Variants in LRCH1 observed in about 807,000 individuals in gnomAD.
LRCH1 encodes the protein leucine-rich repeat and calponin homology domain-containing protein 1.
In LRCH1, 23 loss-of-function variants were observed where a neutral mutation model predicts 94.9. The observed-to-expected ratio is 0.24, with a 90% CI of 0.17 to 0.34. The LOEUF (loss-of-function observed/expected upper bound fraction) is 0.34, where lower values mean the gene tolerates loss of function less well. Ranked by LOEUF, LRCH1 falls within the 10% of genes least tolerant of loss-of-function variation. LRCH1 has a pLI of 1.00. For synonymous variants in LRCH1, 364 were observed against 354.9 expected, an observed-to-expected ratio of 1.03 and a Z score of -0.29; for missense variants, 790 against 945.9, an observed-to-expected ratio of 0.84 and a Z score of 2.16.
At position 46,590,306 on chromosome 13, in the gene LRCH1, C is replaced by T. The variant is rs530228801; in HGVS notation, c.307+36603C>T. Among the ~76,000 whole-genome samples, 12 of 152,240 alleles carry T rather than the reference C, an allele frequency of 7.9e-5. No homozygotes were observed. The South Asian group carries it at 2.5e-3, about 32-fold the overall frequency. Reference sequence around the variant, plus strand: ...CCCTTCACCCTATCTCTTTCTATCTCCTCTTCTTTGCTCTTCCATGGCCAT... The same window carrying T: ...CCCTTCACCCTATCTCTTTCTATCTTCTCTTCTTTGCTCTTCCATGGCCAT... On this transcript the variant is annotated intron_variant, in intron 1 of 19. Coordinates refer to ENST00000389797, the MANE Select transcript of LRCH1 (RefSeq NM_001164211.2).
In LRCH1 at chr13:46,582,648, CTTTTTT is replaced by C. The variant is rs551678501; in HGVS notation, c.307+28964_307+28969del. On this transcript the variant is annotated intron_variant, in intron 1 of 19. Transcript: ENST00000389797. ...CACAGGCACGCACCACCATGCCCAG[CTTTTTT>C]TTTTTTTTTTTTTTTTTTGTATTTT... Among the ~76,000 whole-genome samples the C allele has an allele frequency of 8.1e-4, 19 of 23,336 alleles. 2 individuals carry two copies. The highest frequency in any genetic ancestry group is 7.5e-3 in the East Asian group (3 of 398). The allele number at this position is 23,336 out of a possible 152,430, so 15.3% of individuals were successfully genotyped here.
chr13:46,665,215 C>T (rs2051499530), intron 2 of LRCH1, among the ~76,000 whole-genome samples: 1 of 152,102 alleles, frequency 6.6e-6, no homozygotes, highest in South Asian at 2.1e-4. Context: ...TTTATAATCA[C>T]ATATCTTAAG....
At chr13:46,593,590 TTC>T (rs2050526146) in intron 1 of LRCH1, among the ~76,000 whole-genome samples, 1 of 152,202 alleles carries the variant, frequency 6.6e-6, no homozygotes, top group African/African-American at 2.4e-5. Flanking sequence ...AGTAAATTTG[TTC>T]TGTGTGTTGG....
chr13:46,664,388 A>T lies in LRCH1; in HGVS notation c.453-4642A>T, dbSNP rs541455610. Among the ~76,000 whole-genome samples the T allele has an allele frequency of 6.6e-5, 10 of 152,304 alleles. No homozygotes were observed. In the East Asian group the frequency reaches 1.9e-3, roughly 29 times the overall value. ...AGCCACATCTTAACATCTGAGCATAACACATTACCCTTTCTATGTTTAGAT... is the reference window on the plus strand; with the variant it reads ...AGCCACATCTTAACATCTGAGCATATCACATTACCCTTTCTATGTTTAGAT... On this transcript the variant is annotated intron_variant, in intron 2 of 19. Transcript: ENST00000389797.
Position 46,709,582 on chromosome 13 carries a change from T to C in LRCH1, c.1528-2209T>C, listed in dbSNP as rs554779264. Reference sequence around the variant, plus strand: ...AAATGTCTTTGAGCTTTCACTCTCATAGAGTTTTAAAAACGCATATATACC... The same window carrying C: ...AAATGTCTTTGAGCTTTCACTCTCACAGAGTTTTAAAAACGCATATATACC... On this transcript the variant is annotated intron_variant, in intron 13 of 19. Coordinates refer to ENST00000389797, the MANE Select transcript of LRCH1 (RefSeq NM_001164211.2). 1.4e-4 allele frequency among the ~76,000 whole-genome samples: 22 copies of C among 152,266 alleles called. No homozygotes were observed. In the South Asian group the frequency reaches 1.7e-3, roughly 11 times the overall value.
At chr13:46,659,690 G>T (rs555759961) in intron 2 of LRCH1, among the ~76,000 whole-genome samples, 6 of 152,324 alleles carry the variant, frequency 3.9e-5, no homozygotes, top group Admixed American at 2.6e-4. Flanking sequence ...GGGTGGCTGT[G>T]GGGGGTGGGC....
In LRCH1 at chr13:46,715,619, G is replaced by C; in HGVS notation, c.1714G>C (p.Asp572His). ...CACACTTACACAGGCACAGACATGG[G>C]ACAGCTCTAGCTACAGTGTTCCATC... is the stretch of plus-strand genomic sequence containing the variant. The part of the protein sequence containing the change: ...FNTLTQAQTW[D>H]SSSYSVPSEG... The change falls in exon 16 of 20, where the codon GAC (aspartate) becomes CAC (histidine). Residue 572 changes from aspartate to histidine, a missense_variant. Coordinates refer to ENST00000389797, the MANE Select transcript of LRCH1 (RefSeq NM_001164211.2). The C allele has an allele frequency of 6.5e-7, 1 of 1,537,148 alleles. No homozygotes were observed.
intron 2 of LRCH1, among the ~76,000 whole-genome samples, chr13:46,665,508 A>G (rs73487748): frequency 0.028 from 4,329 of 152,326 alleles, 194 homozygotes; most frequent in African/African-American, 0.098. Flanking sequence ...GAAATAGACA[A>G]ATGAATCCAG....
chr13:46,697,268 G>T (rs907779587), intron 9 of LRCH1, among the ~76,000 whole-genome samples: 1 of 152,102 alleles, frequency 6.6e-6, no homozygotes, highest in Non-Finnish European at 1.5e-5. Context: ...TGCTCACAAC[G>T]TTTTTGTCAA....
intron 1 of LRCH1, among the ~76,000 whole-genome samples, chr13:46,643,882 C>T (rs1037652588): frequency 3.3e-5 from 5 of 152,186 alleles, no homozygotes; most frequent in African/African-American, 9.7e-5. Flanking sequence ...ATCAGCTGAC[C>T]TATTTTTTTC....
intron 1 of LRCH1, among the ~76,000 whole-genome samples, chr13:46,648,733 A>C (rs954662065): frequency 1.3e-5 from 2 of 151,932 alleles, no homozygotes; most frequent in Non-Finnish European, 2.9e-5. Context: ...TCTTCATATA[A>C]ATTTTGCATA....
chr13:46,574,350 T>TA (rs1467355321), intron 1 of LRCH1, among the ~76,000 whole-genome samples: 4 of 151,788 alleles, frequency 2.6e-5, no homozygotes, highest in African/African-American at 7.3e-5. Flanking sequence ...AATTAAAAAT[T>TA]AAAAAAAATT....
intron 1 of LRCH1, among the ~76,000 whole-genome samples, chr13:46,582,371 T>TTTA (rs1238587149): frequency 1.8e-4 from 2 of 10,850 alleles, no homozygotes; most frequent in African/African-American, 1.2e-3. Context: ...TGCTCTCATC[T>TTTA]TTTTTTTTTT....
At chr13:46,623,546 G>C (rs997606487) in intron 1 of LRCH1, among the ~76,000 whole-genome samples, 1 of 151,480 alleles carries the variant, frequency 6.6e-6, no homozygotes, top group Non-Finnish European at 1.5e-5. Context: ...TGCTTTTTTT[G>C]TTTGTTCAGA....
intron 1 of LRCH1, among the ~76,000 whole-genome samples, chr13:46,627,916 A>G (rs2050970268): frequency 6.6e-6 from 1 of 152,154 alleles, no homozygotes; most frequent in East Asian, 1.9e-4. Context: ...CTATAATTCA[A>G]TATACATATT....
At chr13:46,653,787 A>G (rs910327982) in intron 2 of LRCH1, among the ~76,000 whole-genome samples, 2 of 152,158 alleles carry the variant, frequency 1.3e-5, no homozygotes, top group African/African-American at 4.8e-5. Flanking sequence ...GTGCTACTGC[A>G]TTCCAGCCTG....
chr13:46,606,928 A>G (rs536919166), intron 1 of LRCH1, among the ~76,000 whole-genome samples: 2 of 152,312 alleles, frequency 1.3e-5, no homozygotes, highest in African/African-American at 4.8e-5. Flanking sequence ...CATGCCACAC[A>G]GGGCCAGGAG....
Position 46,733,798 on chromosome 13 carries a change from TA to T in LRCH1, c.2008-122del, listed in dbSNP as rs1873231221. 5.2e-6 allele frequency: 3 copies of T among 576,738 alleles called. No individual in the cohort carries two copies. The African/African-American group carries it at 5.8e-5, about 11-fold the overall frequency. 35.7% of individuals were successfully genotyped at this position (576,738 alleles called of 1,614,324 possible). A position where few individuals can be genotyped will look rare whatever the true frequency, so the allele number is the denominator to read the frequency against. The stretch of plus-strand genomic sequence containing the variant: ...TGTTTTCTTCTATTTGCTTATGTGT[TA>T]TTTTCTTTTGCTCCAATAAACATGT... On this transcript the variant is annotated intron_variant, in intron 18 of 19. Coordinates refer to ENST00000389797, the MANE Select transcript of LRCH1 (RefSeq NM_001164211.2).
intron 1 of LRCH1, among the ~76,000 whole-genome samples, chr13:46,595,758 G>T (rs551000152): frequency 2.0e-5 from 3 of 152,134 alleles, no homozygotes; most frequent in African/African-American, 2.4e-5. Flanking sequence ...GAAACAAAAA[G>T]AACAGGAAAG....
Sources: gnomAD v4.1 joint callset for allele counts (sites outside exome capture counted in the v4.1 genomes callset) on GRCh38, gnomAD v4.1.1 for gene constraint, MANE v1.5 for transcripts, NCBI Gene and HGNC (gene_info 2026-07-23, HGNC 2026-07-21) for gene names.